SHC4: variants seen among roughly 807,000 people sequenced by gnomAD.
The protein encoded by SHC4 is SHC-transforming protein 4.
In SHC4, 41 loss-of-function variants were observed where a neutral mutation model predicts 69.4. The observed-to-expected ratio is 0.59, with a 90% confidence interval of 0.46 to 0.77. SHC4 has a LOEUF of 0.77. Ranked by LOEUF, SHC4 falls within the 30% of genes least tolerant of loss-of-function variation. SHC4 has a pLI of 0.00. For missense variants in SHC4, 777 were observed against 783.8 expected (o/e 0.99, Z 0.10); for synonymous variants, 318 against 299.3 (o/e 1.06, Z -0.64).
chr15:48,911,356 T>G (rs1900504899), intron 2 of SHC4, among the ~76,000 whole-genome samples: 1 of 152,174 alleles, frequency 6.6e-6, no homozygotes, highest in African/African-American at 2.4e-5. Flanking sequence ...GCTTTAAGGT[T>G]TATTTTGTCT....
intron 10 of SHC4, among the ~76,000 whole-genome samples, chr15:48,839,967 G>A (rs1312459468): frequency 2.0e-5 from 3 of 152,340 alleles, no homozygotes; most frequent in Admixed American, 1.3e-4. Context: ...GTGGTCACAT[G>A]TCTATGGTCT....
At chr15:48,858,838 C>T (rs1245347837) in intron 6 of SHC4, among the ~76,000 whole-genome samples, 2 of 152,120 alleles carry the variant, frequency 1.3e-5, no homozygotes, top group Non-Finnish European at 2.9e-5. Flanking sequence ...AGTCCAATAA[C>T]AGTTTAATAT....
chr15:48,829,905 C>T (rs1351232350), intron 11 of SHC4, among the ~76,000 whole-genome samples: 5 of 152,042 alleles, frequency 3.3e-5, no homozygotes, highest in African/African-American at 7.3e-5. Context: ...GGCAATAGAG[C>T]GAGACTCCGT....
rs536015484 is a variant in SHC4, at chr15:48,870,677, C to CAA, written c.894+1410_894+1411dup. On this transcript the variant is annotated intron_variant, in intron 5 of 11. Transcript: ENST00000332408. ...GAGTGACAAGAGTGAGACGCCGTCT[C>CAA]AAAAAAAAAAAAAGCATGTCTTGGT... 1.1e-3 allele frequency among the ~76,000 whole-genome samples: 133 copies of CAA among 124,580 alleles called. 1 individual carries two copies. The highest frequency in any genetic ancestry group is 3.7e-3 in the African/African-American group (124 of 33,866). 81.7% of individuals were successfully genotyped at this position (124,580 alleles called of 152,430 possible). A position where few individuals can be genotyped will look rare whatever the true frequency, so the allele number is the denominator to read the frequency against.
At chr15:48,840,916 A>G (rs2069262329) in intron 10 of SHC4, among the ~76,000 whole-genome samples, 1 of 152,218 alleles carries the variant, frequency 6.6e-6, no homozygotes, top group African/African-American at 2.4e-5. Flanking sequence ...GGAAAGGGAG[A>G]AAGGTGAGGA....
At position 48,884,266 on chromosome 15, in the gene SHC4, C is replaced by T; in HGVS notation, c.822G>A (p.Met274Ile). Residue 274 changes from methionine (M) to isoleucine (I), a missense_variant, in exon 4 of 12, where the codon ATG becomes ATA. By Grantham distance (10) the Met-to-Ile change is conservative (BLOSUM62 1). Coordinates refer to ENST00000332408, the MANE Select transcript of SHC4 (RefSeq NM_203349.4). ...ATCTTACCTGTTGGTTGTCAAGATT[C>T]ATCAATGTGAGACTGCATGTTGAGA... ...LTISTCSLTL[M>I]NLDNQQIIAN... 8 of 1,598,936 alleles carry T rather than the reference C, an allele frequency of 5.0e-6. No homozygotes were observed. The highest frequency in any genetic ancestry group is 6.0e-6 in the Non-Finnish European group (7 of 1,175,572).
intron 1 of SHC4, among the ~76,000 whole-genome samples, chr15:48,929,954 G>A (rs1449895330): frequency 3.3e-5 from 5 of 152,304 alleles, no homozygotes; most frequent in Non-Finnish European, 5.9e-5. Context: ...CCCAGGGAGA[G>A]GTGAACAGCC....
At chr15:48,827,677 T>C (rs1192718252) in intron 11 of SHC4, among the ~76,000 whole-genome samples, 1 of 152,192 alleles carries the variant, frequency 6.6e-6, no homozygotes, top group Non-Finnish European at 1.5e-5. Flanking sequence ...AGTACAGAGA[T>C]TGTAAGCAGG....
At chr15:48,841,537 C>T (rs1370313636) in intron 10 of SHC4, among the ~76,000 whole-genome samples, 8 of 152,204 alleles carry the variant, frequency 5.3e-5, no homozygotes, top group Non-Finnish European at 1.0e-4. Context: ...TTTGACTTTC[C>T]TGGTGTGGCC....
chr15:48,881,441 G>C (rs919078529), intron 4 of SHC4, among the ~76,000 whole-genome samples: 2 of 150,180 alleles, frequency 1.3e-5, no homozygotes, highest in African/African-American at 2.4e-5. Flanking sequence ...AAGTCCCTCA[G>C]TGTTGTCTCC....
chr15:48,877,574 G>A, intron 4 of SHC4: 25 of 984,842 alleles, frequency 2.5e-5, no homozygotes, highest in Non-Finnish European at 3.0e-5. Context: ...ACACCGCATT[G>A]CTAATAGTGG....
At chr15:48,895,553 G>A (rs981118350) in intron 2 of SHC4, among the ~76,000 whole-genome samples, 2 of 152,078 alleles carry the variant, frequency 1.3e-5, no homozygotes, top group Non-Finnish European at 2.9e-5. Flanking sequence ...GGATGCCCCT[G>A]CCCTTCCCCA....
At chr15:48,855,352 G>A (rs1169084619) in intron 8 of SHC4, among the ~76,000 whole-genome samples, 1 of 152,202 alleles carries the variant, frequency 6.6e-6, no homozygotes, top group East Asian at 1.9e-4. Context: ...CATTGTAAAA[G>A]TAACTTCCAT....
intron 11 of SHC4, among the ~76,000 whole-genome samples, chr15:48,827,098 G>C (rs1350527339): frequency 6.6e-6 from 1 of 152,146 alleles, no homozygotes; most frequent in Non-Finnish European, 1.5e-5. Flanking sequence ...AAGTGCTCCT[G>C]TTTGGAGGGT....
At chr15:48,864,167 T>C (rs1216585703) in intron 6 of SHC4, among the ~76,000 whole-genome samples, 1 of 152,202 alleles carries the variant, frequency 6.6e-6, no homozygotes, top group Non-Finnish European at 1.5e-5. Flanking sequence ...ATTTACTGCC[T>C]AGGTGCTATA....
chr15:48,856,925 G>A (rs527639862), intron 7 of SHC4, among the ~76,000 whole-genome samples: 8 of 152,224 alleles, frequency 5.3e-5, no homozygotes, highest in African/African-American at 1.9e-4. Flanking sequence ...CAGCATCAAG[G>A]CCTCCTGGTA....
At chr15:48,906,454 A>C (rs1030957314) in intron 2 of SHC4, among the ~76,000 whole-genome samples, 2 of 148,742 alleles carry the variant, frequency 1.3e-5, no homozygotes, top group Non-Finnish European at 3.0e-5. Context: ...TCCTTCCCCC[A>C]TTTCCCCCTA....
chr15:48,949,703 G>A (rs1251184149), intron 1 of SHC4, among the ~76,000 whole-genome samples: 1 of 151,238 alleles, frequency 6.6e-6, no homozygotes, highest in Non-Finnish European at 1.5e-5. Flanking sequence ...TAAAATCGGT[G>A]CCCTCCCTTG....
chr15:48,938,594 T>C (rs1388890652), intron 1 of SHC4, among the ~76,000 whole-genome samples: 4 of 152,216 alleles, frequency 2.6e-5, no homozygotes, highest in African/African-American at 9.7e-5. Flanking sequence ...GCCAATGATA[T>C]CACTGTGGGA....
Sources: allele counts gnomAD v4.1 joint callset (sites outside exome capture counted in the v4.1 genomes callset), GRCh38; gene constraint gnomAD v4.1.1; transcripts MANE v1.5; gene names NCBI Gene and HGNC (gene_info 2026-07-23, HGNC 2026-07-21).